The following PREP variants were observed in gnomAD, a reference collection of about 807,000 sequenced individuals.
The protein encoded by PREP is prolyl endopeptidase.
A neutral mutation model predicts 87.6 loss-of-function variants in PREP; 29 were observed. The ratio of observed to expected loss-of-function variants is 0.33; its 90% confidence interval spans 0.25 to 0.45. The LOEUF (loss-of-function observed/expected upper bound fraction) is 0.45. Among genes scored for constraint, PREP ranks in the 20% least tolerant of loss-of-function variants. The probability of loss-of-function intolerance (pLI) is 1.00; values close to 1 mark genes in which losing one functional copy is unlikely to be tolerated. For synonymous variants in PREP, 337 were observed against 328.6 expected, an observed-to-expected ratio of 1.03 and a Z score of -0.28; for missense variants, 695 against 886.5, an observed-to-expected ratio of 0.78 and a Z score of 2.74.
chr6:105,361,780 G>C (rs1290420436), intron 6 of PREP, among the ~76,000 whole-genome samples: 1 of 152,012 alleles, frequency 6.6e-6, no homozygotes, highest in Non-Finnish European at 1.5e-5. Flanking sequence ...CTAACACTTA[G>C]GAAAACTTTT....
chr6:105,376,411 T>C (rs1583094622), intron 3 of PREP, among the ~76,000 whole-genome samples, 156 bp from the exon 4 acceptor site: 1 of 152,108 alleles, frequency 6.6e-6, no homozygotes, highest in East Asian at 1.9e-4. Context: ...GGGTGAAAGG[T>C]TCCATCATTT....
chr6:105,290,863 A>G (rs780273867), intron 10 of PREP, among the ~76,000 whole-genome samples: 5 of 152,242 alleles, frequency 3.3e-5, no homozygotes, highest in Non-Finnish European at 7.3e-5. Flanking sequence ...ATGAAAGGAC[A>G]TTGTGAAGAT....
intron 2 of PREP, among the ~76,000 whole-genome samples, chr6:105,377,864 A>T (rs563714911): frequency 4.0e-4 from 61 of 152,340 alleles, no homozygotes; most frequent in Middle Eastern, 3.4e-3. Context: ...GTGGTTAAAA[A>T]GTTGCCCGAC....
At chr6:105,388,940 A>G (rs1169277529) in intron 2 of PREP, among the ~76,000 whole-genome samples, 1 of 152,248 alleles carries the variant, frequency 6.6e-6, no homozygotes, top group Non-Finnish European at 1.5e-5. Flanking sequence ...TTTCATCACT[A>G]CACTTGGGAA....
chr6:105,311,989 C>T (rs1307578018), intron 10 of PREP, among the ~76,000 whole-genome samples: 1 of 152,206 alleles, frequency 6.6e-6, no homozygotes, highest in Non-Finnish European at 1.5e-5. Flanking sequence ...ATCCACAGTT[C>T]AGATTATACT....
At chr6:105,372,482 AT>A (rs1200954565) in intron 5 of PREP, among the ~76,000 whole-genome samples, 1 of 152,230 alleles carries the variant, frequency 6.6e-6, no homozygotes, top group Non-Finnish European at 1.5e-5. Flanking sequence ...AAAATGACAC[AT>A]TGTACCAGTA....
intron 10 of PREP, among the ~76,000 whole-genome samples, chr6:105,306,793 T>C (rs1583046188): frequency 8.6e-6 from 1 of 116,288 alleles, no homozygotes; most frequent in Admixed American, 1.2e-4. Context: ...CCCTGGAACC[T>C]GACTCTAATT....
chr6:105,350,675 TC>T (rs1240560219), intron 7 of PREP, among the ~76,000 whole-genome samples: 3 of 152,314 alleles, frequency 2.0e-5, no homozygotes, highest in African/African-American at 7.2e-5. Flanking sequence ...TCTAACCCTG[TC>T]CCGCACCATT....
chr6:105,337,023 A>AT (rs1049819669), intron 7 of PREP, among the ~76,000 whole-genome samples: 122 of 151,552 alleles, frequency 8.1e-4, no homozygotes, highest in African/African-American at 2.9e-3. Context: ...CTGGCAGGTC[A>AT]TTTTTTACAG....
intron 10 of PREP, among the ~76,000 whole-genome samples, chr6:105,319,483 G>A (rs956898793): frequency 6.6e-6 from 1 of 152,132 alleles, no homozygotes; most frequent in Non-Finnish European, 1.5e-5. Flanking sequence ...GAAACACTGA[G>A]GAATCAAAGT....
chr6:105,278,426 C>T lies in PREP; in HGVS notation c.1851G>A (p.Leu617=), dbSNP rs370122132. 2 of 1,610,240 alleles carry T rather than the reference C, an allele frequency of 1.2e-6. No individual in the cohort carries two copies. Among genetic ancestry groups the T allele is most frequent in the African/African-American group, 2.7e-5 (2 of 74,860 alleles). Residue 617 remains leucine, a synonymous_variant, in exon 15 of 15, where the codon TTG becomes TTA. Transcript: ENST00000652536. This position sits in a 1 kb window ranked among gnomAD's most constrained non-coding sequence, Gnocchi z 4.2. ...HFEWLVKYSP[L]HNVKLPEADD... ...CTGCTTCTGGTAACTTCACATTATG[C>T]AATGGAGAGTATCTGGAAGGCAAAA...
chr6:105,399,872 C>T (rs116610079), intron 1 of PREP, among the ~76,000 whole-genome samples: 1,984 of 152,276 alleles, frequency 0.013, 48 homozygotes, highest in African/African-American at 0.046. Flanking sequence ...GCAGTCAGCC[C>T]ACCCTTTTCC....
rs36086068 is a variant in PREP, at chr6:105,402,418, TCACACA to T, written c.45+423_45+428del. Among the ~76,000 whole-genome samples, 827 of 147,216 alleles carry T rather than the reference TCACACA, an allele frequency of 5.6e-3. 7 individuals are homozygous for T. Among genetic ancestry groups the T allele is most frequent in the African/African-American group, 0.018 (724 of 40,644 alleles). Reference sequence around the variant, plus strand: ...TTTGTTTTCGTTTTTAAATGTGACATCACACACACACACACACACACACACACACAA... The same window carrying T: ...TTTGTTTTCGTTTTTAAATGTGACATCACACACACACACACACACACACAA... On this transcript the variant is annotated intron_variant, in intron 1 of 14. Transcript: ENST00000652536.
intron 9 of PREP, among the ~76,000 whole-genome samples, chr6:105,326,120 T>C (rs750049512): frequency 7.9e-5 from 12 of 152,224 alleles, no homozygotes; most frequent in Non-Finnish European, 1.3e-4. Flanking sequence ...GGTTTTAACA[T>C]TATTCAAAGA....
chr6:105,350,916 C>T (rs529543567), intron 7 of PREP, among the ~76,000 whole-genome samples: 126 of 152,342 alleles, frequency 8.3e-4, no homozygotes, highest in Non-Finnish European at 1.3e-4. Flanking sequence ...ATCAGTATGC[C>T]GCTCAACAGC....
intron 6 of PREP, among the ~76,000 whole-genome samples, chr6:105,367,158 T>C (rs1365514365): frequency 6.6e-6 from 1 of 152,024 alleles, no homozygotes; most frequent in Non-Finnish European, 1.5e-5. Flanking sequence ...AGATTATATA[T>C]CATATAATAT....
At chr6:105,302,650 G>A in intron 10 of PREP, 1 of 469,966 alleles carries the variant, frequency 2.1e-6, no homozygotes, top group Non-Finnish European at 4.1e-6. Flanking sequence ...GTTAATTACG[G>A]TGAGAACACG....
intron 2 of PREP, among the ~76,000 whole-genome samples, chr6:105,391,038 C>T (rs1369564267): frequency 1.4e-5 from 2 of 147,576 alleles, no homozygotes; most frequent in East Asian, 2.4e-4. Flanking sequence ...GTTTTATACA[C>T]ACACACACAC....
At chr6:105,344,976 T>A (rs958517369) in intron 7 of PREP, among the ~76,000 whole-genome samples, 1 of 152,238 alleles carries the variant, frequency 6.6e-6, no homozygotes, top group Admixed American at 6.5e-5. Context: ...GAATAAGGAA[T>A]GTGGCTGGAT....
Sources: allele counts gnomAD v4.1 joint callset (sites outside exome capture counted in the v4.1 genomes callset), GRCh38; gene constraint gnomAD v4.1.1; non-coding constraint Gnocchi (gnomAD v3.1); transcripts MANE v1.5; gene names NCBI Gene and HGNC (gene_info 2026-07-23, HGNC 2026-07-21).